Variants in SAMMSON observed in about 807,000 individuals in gnomAD.
SAMMSON encodes the protein survival associated mitochondrial melanoma specific oncogenic non-coding RNA.
At chr3:70,158,105 A>T (rs1229335774) in intron 4 of SAMMSON, among the ~76,000 whole-genome samples, 1 of 152,114 alleles carries the variant, frequency 6.6e-6, no homozygotes, top group Non-Finnish European at 1.5e-5. Context: ...CCAAATTTTT[A>T]AAGTAAATTT....
intron 4 of SAMMSON, among the ~76,000 whole-genome samples, chr3:70,171,407 G>A (rs938268301): frequency 1.3e-5 from 2 of 151,788 alleles, no homozygotes; most frequent in Non-Finnish European, 1.5e-5. Context: ...GGAAGATATT[G>A]TGAATATAAG....
At chr3:70,278,346 G>A (rs1474068507) in intron 6 of SAMMSON, among the ~76,000 whole-genome samples, 1 of 152,172 alleles carries the variant, frequency 6.6e-6, no homozygotes, top group Admixed American at 6.5e-5. Context: ...CATTTAGGCT[G>A]TTCCCAGTAG....
chr3:70,258,683 A>C (rs2106659258), intron 6 of SAMMSON, among the ~76,000 whole-genome samples: 1 of 152,294 alleles, frequency 6.6e-6, no homozygotes, highest in South Asian at 2.1e-4. Context: ...ATGCAGTCAA[A>C]GCTTTATGTA....
intron 4 of SAMMSON, chr3:70,125,956 G>C (rs1231290736): frequency 2.6e-6 from 2 of 766,102 alleles, no homozygotes; most frequent in Non-Finnish European, 4.5e-6. Flanking sequence ...AGGAGATGTG[G>C]GTGGAAGAGG....
At chr3:70,425,607 G>T (rs1015039428) in intron 2 of SAMMSON, among the ~76,000 whole-genome samples, 17 of 151,618 alleles carry the variant, frequency 1.1e-4, no homozygotes, top group African/African-American at 3.9e-4. Context: ...TAGAGACGGG[G>T]TTTCACCATG....
chr3:70,397,005 T>C (rs1048905471), intron 2 of SAMMSON, among the ~76,000 whole-genome samples: 2 of 152,182 alleles, frequency 1.3e-5, no homozygotes, highest in African/African-American at 4.8e-5. Flanking sequence ...GGCAAATGCT[T>C]AGTGGGTCCT....
intron 4 of SAMMSON, among the ~76,000 whole-genome samples, chr3:70,171,732 G>A (rs6549286): frequency 0.55 from 83,454 of 151,596 alleles, 24,150 homozygotes; most frequent in Non-Finnish European, 0.62. Flanking sequence ...ATTTATTCTC[G>A]TGTCCTTTAA....
Position 70,208,203 on chromosome 3 carries a change from C to A in SAMMSON, n.508-40904C>A, listed in dbSNP as rs17006840. Among the ~76,000 whole-genome samples the A allele has an allele frequency of 2.7e-3, 404 of 152,150 alleles. 1 individual carries two copies. Among genetic ancestry groups the A allele is most frequent in the Non-Finnish European group, 4.7e-3 (319 of 67,972 alleles). ...TCGTGGTTTGGTGGCACAACTGGGA[C>A]GTGGTCAAGAGGTGTCCTTGGGAAT... On this transcript the variant is annotated intron_variant and non_coding_transcript_variant, in intron 4 of 9. Transcript: ENST00000642114.
chr3:70,157,461 G>A (rs759697401), intron 4 of SAMMSON, among the ~76,000 whole-genome samples: 24 of 152,066 alleles, frequency 1.6e-4, no homozygotes, highest in Admixed American at 4.6e-4. Flanking sequence ...TGAGTGATAT[G>A]GATATAGTAA....
intron 8 of SAMMSON, among the ~76,000 whole-genome samples, chr3:70,355,617 G>GA (rs1197263436): frequency 1.3e-5 from 2 of 152,060 alleles, no homozygotes; most frequent in South Asian, 2.1e-4. Flanking sequence ...CAGGAGAGGG[G>GA]AAAAAAATCT....
chr3:70,217,387 T>C (rs62254854), intron 4 of SAMMSON, among the ~76,000 whole-genome samples: 30,053 of 152,114 alleles, frequency 0.2, 3,363 homozygotes, highest in Non-Finnish European at 0.26. Flanking sequence ...AAAGGACCTA[T>C]TGAATTAATG....
At chr3:70,208,627 C>T (rs1265371364) in intron 4 of SAMMSON, among the ~76,000 whole-genome samples, 2 of 151,976 alleles carry the variant, frequency 1.3e-5, no homozygotes, top group South Asian at 2.1e-4. Flanking sequence ...TTGGGAACCA[C>T]GATGCCAGGG....
At chr3:70,267,704 C>A (rs973462849) in intron 6 of SAMMSON, among the ~76,000 whole-genome samples, 1 of 151,798 alleles carries the variant, frequency 6.6e-6, no homozygotes, top group Non-Finnish European at 1.5e-5. Context: ...GCGAGAGCCA[C>A]CCCGCCCAGC....
chr3:70,322,407 T>C (rs1212464837), intron 7 of SAMMSON, among the ~76,000 whole-genome samples: 1 of 152,176 alleles, frequency 6.6e-6, no homozygotes, highest in Non-Finnish European at 1.5e-5. Flanking sequence ...AAGTTCTTTG[T>C]CATCTTGACT....
chr3:70,105,174 G>A (rs1372186221), intron 4 of SAMMSON, among the ~76,000 whole-genome samples: 2 of 152,118 alleles, frequency 1.3e-5, no homozygotes, highest in Non-Finnish European at 2.9e-5. Context: ...TTATAGGAAA[G>A]TAATCTTTCC....
intron 2 of SAMMSON, among the ~76,000 whole-genome samples, chr3:70,431,044 A>G (rs1024861553): frequency 6.6e-6 from 1 of 152,054 alleles, no homozygotes; most frequent in African/African-American, 2.4e-5. Context: ...GGTTTCTTAG[A>G]GAATTATTTG....
chr3:70,372,203 CT>C (rs1222796857), intron 9 of SAMMSON, among the ~76,000 whole-genome samples: 1 of 151,824 alleles, frequency 6.6e-6, no homozygotes, highest in Non-Finnish European at 1.5e-5. Flanking sequence ...TTATCAAATG[CT>C]TTTTCTGCAT....
intron 7 of SAMMSON, among the ~76,000 whole-genome samples, chr3:70,306,605 C>G (rs935646114): frequency 6.6e-6 from 1 of 151,540 alleles, no homozygotes; most frequent in Non-Finnish European, 1.5e-5. Context: ...TTTTTTTTCT[C>G]TCTCATGAAT....
chr3:70,338,558 G>A (rs111457314), intron 7 of SAMMSON, among the ~76,000 whole-genome samples: 17,422 of 152,106 alleles, frequency 0.11, 1,090 homozygotes, highest in South Asian at 0.16. Flanking sequence ...CAAAGTCTCA[G>A]AATACAAAAT....
Sources: allele counts gnomAD v4.1 joint callset (sites outside exome capture counted in the v4.1 genomes callset), GRCh38; gene constraint gnomAD v4.1.1; transcripts MANE v1.5; gene names NCBI Gene and HGNC (gene_info 2026-07-23, HGNC 2026-07-21).